Variants in SCART1 observed in about 807,000 individuals in gnomAD.
The protein encoded by SCART1 is scavenger receptor family member expressed on T cells 1, also known as scavenger receptor cysteine-rich domain-containing protein SCART1.
SCART1 carries 62 observed loss-of-function variants against 36.2 expected under a neutral mutation model. The ratio of observed to expected loss-of-function variants is 1.71; its 90% CI spans 1.40 to 2.12. SCART1 has a LOEUF of 2.12. Among genes scored for constraint, SCART1 ranks in the 30% most tolerant of loss-of-function variants. The probability of loss-of-function intolerance (pLI) is 0.00; values close to 1 mark genes in which losing one functional copy is unlikely to be tolerated. For missense variants in SCART1, 1,041 were observed against 540.5 expected (o/e 1.93, Z -9.18); for synonymous variants, 487 against 238.7 (o/e 2.04, Z -9.59).
chr10:133,467,433 C>G (rs776653848), intron 11 of SCART1, 80 bp downstream of exon 11: 36 of 633,482 alleles, frequency 5.7e-5, no homozygotes, highest in Non-Finnish European at 9.9e-5. Context: ...GAAAGGGACT[C>G]TGACCACAGG....
chr10:133,466,019 G>C (rs1198672547), intron 9 of SCART1: 1 of 666,002 alleles, frequency 1.5e-6, no homozygotes, highest in Middle Eastern at 2.4e-4. Context: ...TACCAAGGAA[G>C]GGGGCTGTCC....
chr10:133,457,039 T>C (rs1850625186), intron 2 of SCART1: 3 of 549,128 alleles, frequency 5.5e-6, no homozygotes, highest in African/African-American at 3.9e-5. Context: ...CCTCCTACCA[T>C]TTTGGGGCCC....
At position 133,456,405 on chromosome 10, in the gene SCART1, A is replaced by G. The variant is rs961397303; in HGVS notation, c.236A>G (p.Lys79Arg). 17 of 702,716 alleles carry G rather than the reference A, an allele frequency of 2.4e-5. 1 individual carries two copies. Among genetic ancestry groups the G allele is most frequent in the African/African-American group, 1.7e-4 (10 of 57,238 alleles). The allele number at this position is 702,716 out of a possible 1,614,324, so 43.5% of individuals were successfully genotyped here. A position where few individuals can be genotyped will look rare whatever the true frequency, so the allele number is the denominator to read the frequency against. The change falls in exon 2 of 12, where the codon AAG becomes AGG. Residue 79 changes from lysine to arginine, a missense_variant. Transcript: ENST00000640237. ...TGCGGCCCTGCCGTGGGCGCCCCCA[A>G]GTATGTCCCGCTGCCTGGAGAGATG... is the stretch of plus-strand genomic sequence containing the variant.
intron 6 of SCART1, among the ~76,000 whole-genome samples, chr10:133,460,496 A>ATATATATATATATATATTTTTTTTTTTTT: frequency 7.4e-6 from 1 of 136,016 alleles, no homozygotes; most frequent in South Asian, 2.7e-4. Flanking sequence ...ATATTTATAT[A>ATATATATATATATATATTTTTTTTTTTTT]TTTTAAAAAA....
At chr10:133,458,012 C>T (rs1850641293) in intron 3 of SCART1, 1 of 549,386 alleles carries the variant, frequency 1.8e-6, no homozygotes, top group South Asian at 2.0e-5. Flanking sequence ...TGCTGCGGTA[C>T]CCCAGAGAGG....
intron 1 of SCART1, among the ~76,000 whole-genome samples, chr10:133,455,865 CAG>C (rs1850603013): frequency 6.6e-6 from 1 of 151,946 alleles, no homozygotes; most frequent in African/African-American, 2.4e-5. Flanking sequence ...GCAGGTGTGA[CAG>C]TGGTGGGCTG....
downstream of SCART1, among the ~76,000 whole-genome samples, chr10:133,469,654 G>A (rs1219042890): frequency 6.6e-6 from 1 of 152,114 alleles, no homozygotes; most frequent in Non-Finnish European, 1.5e-5. Context: ...ATGACGGGTT[G>A]ATGGGTGCAG....
In SCART1 at chr10:133,459,498, G is replaced by A; in HGVS notation, c.1297G>A (p.Ala433Thr). Residue 433 changes from alanine (A) to threonine (T), a missense_variant, in exon 6 of 12, where the codon GCC (alanine) becomes ACC (threonine). By Grantham distance (58) the Ala-to-Thr change is moderately conservative (BLOSUM62 0). Transcript: ENST00000640237. ...GTCCCCATCCCCAGGTCTGGCCCACGCCCTGCGACTGAGGGAAGGACAGAG... is the reference window on the plus strand; with the variant it reads ...GTCCCCATCCCCAGGTCTGGCCCACACCCTGCGACTGAGGGAAGGACAGAG... The A allele has an allele frequency of 4.6e-6, 3 of 654,390 alleles. No individual in the cohort carries two copies. The South Asian group carries it at 5.1e-5, about 11-fold the overall frequency. 40.5% of individuals were successfully genotyped at this position (654,390 alleles called of 1,614,324 possible).
chr10:133,457,787 TG>T, intron 3 of SCART1: 3 of 560,282 alleles, frequency 5.4e-6, no homozygotes, highest in Non-Finnish European at 9.3e-6. Flanking sequence ...AGAGGTGTCC[TG>T]GCTCAGAACC....
chr10:133,467,917 T>C (rs1204804620), exon 12 of SCART1: 1 of 699,948 alleles, frequency 1.4e-6, no homozygotes, highest in Non-Finnish European at 2.6e-6. Context: ...GCAGACCTGT[T>C]TCTCAGGGAT....
At chr10:133,462,620 G>A (rs1200580017) in intron 6 of SCART1, among the ~76,000 whole-genome samples, 1 of 152,212 alleles carries the variant, frequency 6.6e-6, no homozygotes. Flanking sequence ...TGTGGTCATT[G>A]CCTTTGGCTG....
At chr10:133,462,766 T>C (rs1482214762) in intron 6 of SCART1, among the ~76,000 whole-genome samples, 1 of 152,142 alleles carries the variant, frequency 6.6e-6, no homozygotes, top group East Asian at 1.9e-4. Flanking sequence ...TGATCCAGCC[T>C]TGGTTCCAAA....
intron 2 of SCART1, among the ~76,000 whole-genome samples, chr10:133,456,844 G>A (rs953478438): frequency 7.2e-5 from 11 of 152,188 alleles, no homozygotes; most frequent in African/African-American, 1.9e-4. Flanking sequence ...GAGCGGGGGC[G>A]GGGTCTGTGG....
chr10:133,465,893 C>A (rs1380772067), intron 9 of SCART1: 2 of 681,942 alleles, frequency 2.9e-6, no homozygotes, highest in South Asian at 3.0e-5. Context: ...CAGTTAACCA[C>A]AGTGATGACC....
At chr10:133,455,937 G>A (rs1850604025) in intron 1 of SCART1, among the ~76,000 whole-genome samples, 2 of 152,046 alleles carry the variant, frequency 1.3e-5, no homozygotes, top group African/African-American at 4.8e-5. Flanking sequence ...GAGAGTGGGT[G>A]GGAGGACCCA....
chr10:133,458,629 G>C (rs941809997), exon 4 of SCART1: 3 of 699,606 alleles, frequency 4.3e-6, no homozygotes, highest in Non-Finnish European at 7.8e-6. Context: ...GTGTGGGCAT[G>C]GTCACGACGC....
intron 6 of SCART1, among the ~76,000 whole-genome samples, chr10:133,462,128 C>T (rs1188388212): frequency 6.6e-6 from 1 of 152,252 alleles, no homozygotes; most frequent in Non-Finnish European, 1.5e-5. Flanking sequence ...TGGGGCGGGG[C>T]ACTCGTGGCT....
chr10:133,466,024 C>A, intron 9 of SCART1: 1 of 658,754 alleles, frequency 1.5e-6, no homozygotes, highest in Non-Finnish European at 2.8e-6. Context: ...AGGAAGGGGG[C>A]TGTCCCTTGA....
chr10:133,467,727 A>G (rs1850778827), intron 11 of SCART1, 120 bp from the exon 12 acceptor site: 1 of 548,962 alleles, frequency 1.8e-6, no homozygotes, highest in Non-Finnish European at 3.3e-6. Flanking sequence ...TGCCTTGAAC[A>G]TTGCCAGGTG....
Sources: allele counts gnomAD v4.1 joint callset (sites outside exome capture counted in the v4.1 genomes callset), GRCh38; gene constraint gnomAD v4.1.1; transcripts MANE v1.5; gene names NCBI Gene and HGNC (gene_info 2026-07-23, HGNC 2026-07-21).